Variants in RAD51D observed in about 807,000 individuals in gnomAD.
The protein encoded by RAD51D is DNA repair protein RAD51 homolog 4.
Under a neutral mutation model 44.1 loss-of-function variants are expected in RAD51D, and 38 were observed. The ratio of observed to expected loss-of-function variants is 0.86; its 90% CI spans 0.67 to 1.13. The LOEUF is 1.13. Among genes scored for constraint, RAD51D ranks in the 50% most tolerant of loss-of-function variants. RAD51D has a pLI of 0.00. For synonymous variants in RAD51D, 141 were observed against 166.6 expected, an observed-to-expected ratio of 0.85 and a Z score of 1.18; for missense variants, 390 against 414.0, an observed-to-expected ratio of 0.94 and a Z score of 0.50.
rs1555570507 is a variant in RAD51D, at chr17:35,119,604, G to A, written c.10C>T (p.Leu4Phe). Residue 4 changes from leucine to phenylalanine, a missense_variant, in exon 1 of 10, where the codon CTC becomes TTC. Physicochemically the swap from Leu to Phe is conservative, Grantham distance 22. Coordinates refer to ENST00000345365, the MANE Select transcript of RAD51D (RefSeq NM_002878.4). ...AGGCCAGGGCACAGTCCGACCCTGA[G>A]CACGCCCATGTTCCCCGCAGGCCGG... is the stretch of plus-strand genomic sequence containing the variant. MGVLRVGLCPGLTE... is the reference protein window; with the variant it reads MGVFRVGLCPGLTE... The A allele has an allele frequency of 6.2e-7, 1 of 1,611,650 alleles. No individual in the cohort carries two copies. The highest frequency in any genetic ancestry group is 8.5e-7 in the Non-Finnish European group (1 of 1,179,956).
chr17:35,097,425 GTA>G lies in RAD51D; in HGVS notation c.*3526_*3527del, dbSNP rs1400917273. On this transcript the variant is annotated 3_prime_UTR_variant, in exon 10 of 10. Transcript: ENST00000345365. ...GAGCCACTGCGCCTGGCTCATATGTGTATATATATGTGTGTATATATATGTGT... is the reference window on the plus strand; with the variant it reads ...GAGCCACTGCGCCTGGCTCATATGTGTATATATGTGTGTATATATATGTGT... 1 of 149,620 alleles carries G rather than the reference GTA, an allele frequency of 6.7e-6. No individual in the cohort carries two copies. The highest frequency in any genetic ancestry group is 2.5e-5 in the African/African-American group (1 of 40,630). 9.3% of individuals were successfully genotyped at this position (149,620 alleles called of 1,614,324 possible). A position where few individuals can be genotyped will look rare whatever the true frequency, so the allele number is the denominator to read the frequency against.
At position 35,097,643 on chromosome 17, in the gene RAD51D, A is replaced by C. The variant is rs1358178772; in HGVS notation, c.*3310T>G. ...TGACGCTTTATGGAAGGAACCCCTG[A>C]GATAGAGCCAGTCCTTTGCTTTTTT... On this transcript the variant is annotated 3_prime_UTR_variant, in exon 10 of 10. Transcript: ENST00000345365. 6.6e-6 allele frequency: 1 copy of C among 152,120 alleles called. No homozygotes were observed. Among genetic ancestry groups the C allele is most frequent in the Non-Finnish European group, 1.5e-5 (1 of 68,028 alleles). 9.4% of individuals were successfully genotyped at this position (152,120 alleles called of 1,614,324 possible). A position where few individuals can be genotyped will look rare whatever the true frequency, so the allele number is the denominator to read the frequency against.
Position 35,107,112 on chromosome 17 carries a change from C to T in RAD51D, c.356G>A (p.Cys119Tyr), listed in dbSNP as rs759730492. ...PGSGKTQVCL[C>Y]MAANVAHGLQ... ...GCCATGGGCCACATTTGCTGCCATA[C>T]AGAGACATACCTGGGGGTGGGGGCA... The change falls in exon 5 of 10, where the codon TGT becomes TAT. Residue 119 changes from cysteine to tyrosine, a missense_variant. Transcript: ENST00000345365. 5.0e-6 allele frequency: 8 copies of T among 1,613,938 alleles called. No homozygotes were observed. The Admixed American group carries it at 1.0e-4, about 20-fold the overall frequency.
Position 35,116,904 on chromosome 17 carries a change from G to T in RAD51D, c.263+1597C>A, listed in dbSNP as rs755753106. The T allele has an allele frequency of 1.2e-6, 2 of 1,601,564 alleles. No individual in the cohort carries two copies. Among genetic ancestry groups the T allele is most frequent in the African/African-American group, 2.7e-5 (2 of 74,630 alleles). On this transcript the variant is annotated intron_variant, in intron 3 of 9. Transcript: ENST00000345365. ...GCCTCGTTCATCGAAAGCATTCAGC[G>T]AAAGTCCATCTGTTCCTCCATGCCC...
At chr17:35,101,416 G>A (rs28363290) in intron 8 of RAD51D, 51 bp from the exon 9 acceptor site, 11 of 1,564,344 alleles carry the variant, frequency 7.0e-6, no homozygotes, top group South Asian at 3.3e-5. Flanking sequence ...AGAGGACATC[G>A]ATTACTACCG....
intron 5 of RAD51D, 147 bp downstream of exon 5, chr17:35,106,841 G>A: frequency 8.4e-7 from 1 of 1,196,624 alleles, no homozygotes; most frequent in African/African-American, 1.5e-5. Context: ...GCATCAACAG[G>A]GGTGGCTTAA....
chr17:35,110,286 T>C (rs2091659484), intron 3 of RAD51D, among the ~76,000 whole-genome samples: 1 of 152,124 alleles, frequency 6.6e-6, no homozygotes, highest in Non-Finnish European at 1.5e-5. Flanking sequence ...TCTAATTGAA[T>C]TGTTTGATTT....
In RAD51D at chr17:35,107,425, C is replaced by A. The variant is rs762951311; in HGVS notation, c.286G>T (p.Gly96Cys). Residue 96 changes from glycine to cysteine, a missense_variant, in exon 4 of 10, where the codon GGT becomes TGT. Physicochemically the swap from Gly to Cys is radical, Grantham distance 159 (BLOSUM62 -3). Transcript: ENST00000345365. The part of the protein sequence containing the change: ...IGSLDKLLDA[G>C]LYTGEVTEIV... ...TCAGTCACTTCTCCAGTATAGAGAC[C>A]AGCATCAAGCAGTTTATCAAGACTG... is the stretch of plus-strand genomic sequence containing the variant. 5 of 1,558,568 alleles carry A rather than the reference C, an allele frequency of 3.2e-6. No individual in the cohort carries two copies. The highest frequency in any genetic ancestry group is 4.4e-6 in the Non-Finnish European group (5 of 1,129,580).
intron 3 of RAD51D, among the ~76,000 whole-genome samples, chr17:35,114,088 C>A (rs563210597): frequency 3.9e-5 from 6 of 152,056 alleles, no homozygotes; most frequent in Admixed American, 2.6e-4. Flanking sequence ...CCGGCTAACA[C>A]GGTGAAACTC....
In RAD51D at chr17:35,096,371, C is replaced by T. The variant is rs963797944; in HGVS notation, c.*4582G>A. Reference sequence around the variant, plus strand: ...TGTTCTTTAAAGGACACACAGGAGGCGATCCTTCTCCTGCCTGTAGATATT... The same window carrying T: ...TGTTCTTTAAAGGACACACAGGAGGTGATCCTTCTCCTGCCTGTAGATATT... On this transcript the variant is annotated 3_prime_UTR_variant, in exon 10 of 10. Coordinates refer to ENST00000345365, the MANE Select transcript of RAD51D (RefSeq NM_002878.4). The T allele has an allele frequency of 3.9e-5, 6 of 152,114 alleles. No homozygotes were observed. Among genetic ancestry groups the T allele is most frequent in the Admixed American group, 2.6e-4 (4 of 15,258 alleles). 9.4% of individuals were successfully genotyped at this position (152,114 alleles called of 1,614,324 possible).
rs2091478057 is a variant in RAD51D at position 35,094,921 on chromosome 17, C to T, written c.*6032G>A. The T allele has an allele frequency of 6.6e-6, 1 of 152,162 alleles. No individual in the cohort carries two copies. 9.4% of individuals were successfully genotyped at this position (152,162 alleles called of 1,614,324 possible). ...TAAGTACTAGTGAGAGGCTGCCCAC[C>T]CAGCATCCAGTTCATCCACACACTC... On this transcript the variant is annotated 3_prime_UTR_variant, in exon 10 of 10. Coordinates refer to ENST00000345365, the MANE Select transcript of RAD51D (RefSeq NM_002878.4).
At chr17:35,116,786 G>T in intron 3 of RAD51D, 1 of 1,224,966 alleles carries the variant, frequency 8.2e-7, no homozygotes, top group Non-Finnish European at 1.2e-6. Flanking sequence ...GAGCCACTGC[G>T]CCCGGCCTAG....
chr17:35,113,929 C>G (rs2091706479), intron 3 of RAD51D, among the ~76,000 whole-genome samples: 1 of 152,198 alleles, frequency 6.6e-6, no homozygotes, highest in South Asian at 2.1e-4. Context: ...GCTCAAGTTT[C>G]AGAACCATTA....
chr17:35,116,585 C>A (rs1275477328), intron 3 of RAD51D, among the ~76,000 whole-genome samples: 1 of 152,154 alleles, frequency 6.6e-6, no homozygotes, highest in Non-Finnish European at 1.5e-5. Flanking sequence ...AGCTCCGCTT[C>A]CCGGGTTCAT....
At chr17:35,107,977 T>C (rs1216184693) in intron 3 of RAD51D, among the ~76,000 whole-genome samples, 1 of 151,844 alleles carries the variant, frequency 6.6e-6, no homozygotes, top group East Asian at 1.9e-4. Context: ...CTCAAACTCC[T>C]GACCTCAAGC....
chr17:35,107,493 G>A (rs2091622691), intron 3 of RAD51D, 46 bp from the exon 4 acceptor site: 2 of 1,424,612 alleles, frequency 1.4e-6, no homozygotes, highest in Admixed American at 3.3e-5. Flanking sequence ...TTAGGAGGAA[G>A]ACAGGGGAAA....
Position 35,103,030 on chromosome 17 carries a change from C to A in RAD51D, c.738+224G>T, listed in dbSNP as rs2091557458. On this transcript the variant is annotated intron_variant, in intron 8 of 9. Coordinates refer to ENST00000345365, the MANE Select transcript of RAD51D (RefSeq NM_002878.4). The surrounding 1 kb of genome is among the most constrained non-coding windows in gnomAD (Gnocchi z 4.1). ...GTAAATTATACCTCAATAAACCTGA[C>A]TAAAAAGAAAAAATGTAGAAACAAA... Among the ~76,000 whole-genome samples the A allele has an allele frequency of 1.3e-5, 2 of 151,934 alleles. No individual in the cohort carries two copies. The highest frequency in any genetic ancestry group is 2.1e-4 in the South Asian group (1 of 4,824).
In RAD51D at chr17:35,107,509, C is replaced by T. The variant is rs2142437985; in HGVS notation, c.264-62G>A. ...TAGGAGGAAGACAGGGGAAAAGGTACCAAGAAGAAAAGTAAGACATTTCTT... is the reference window on the plus strand; with the variant it reads ...TAGGAGGAAGACAGGGGAAAAGGTATCAAGAAGAAAAGTAAGACATTTCTT... On this transcript the variant is annotated intron_variant, in intron 3 of 9. Transcript: ENST00000345365. 2.3e-6 allele frequency: 3 copies of T among 1,321,268 alleles called. No individual in the cohort carries two copies. The South Asian group carries it at 3.5e-5, about 16-fold the overall frequency. The allele number at this position is 1,321,268 out of a possible 1,614,324, so 81.8% of individuals were successfully genotyped here.
chr17:35,099,166 A>C lies in RAD51D; in HGVS notation c.*1787T>G, dbSNP rs1453724423. ...ACTGTGCCTGGCCCCAGATGATCTC[A>C]AACTGCAGTCCTAGGGTCCTCAGTT... On this transcript the variant is annotated 3_prime_UTR_variant, in exon 10 of 10. Transcript: ENST00000345365. The C allele has an allele frequency of 6.5e-6, 1 of 152,812 alleles. No homozygotes were observed. Among genetic ancestry groups the C allele is most frequent in the East Asian group, 1.9e-4 (1 of 5,190 alleles). 9.5% of individuals were successfully genotyped at this position (152,812 alleles called of 1,614,324 possible). A position where few individuals can be genotyped will look rare whatever the true frequency, so the allele number is the denominator to read the frequency against.
Sources: gnomAD v4.1 joint callset for allele counts (sites outside exome capture counted in the v4.1 genomes callset) on GRCh38, gnomAD v4.1.1 for gene constraint, Gnocchi (gnomAD v3.1) non-coding constraint, MANE v1.5 for transcripts, NCBI Gene and HGNC (gene_info 2026-07-23, HGNC 2026-07-21) for gene names.